Variants in SLC45A4 observed in about 807,000 individuals in gnomAD.
SLC45A4 encodes solute carrier family 45 member 4.
In SLC45A4, 32 loss-of-function variants were observed where a neutral mutation model predicts 63.7. The observed-to-expected ratio is 0.50, with a 90% CI of 0.38 to 0.67. The LOEUF (loss-of-function observed/expected upper bound fraction) is 0.67. Among genes scored for constraint, SLC45A4 ranks in the 30% least tolerant of loss-of-function variants. The probability of loss-of-function intolerance (pLI) is 0.00; values close to 1 mark genes in which losing one functional copy is unlikely to be tolerated. For missense variants in SLC45A4, 1,027 were observed against 1,157.7 expected (o/e 0.89, Z 1.64); for synonymous variants, 535 against 510.0 (o/e 1.05, Z -0.66).
intron 2 of SLC45A4, among the ~76,000 whole-genome samples, chr8:141,252,969 G>T (rs923094301): frequency 7.3e-6 from 1 of 136,574 alleles, no homozygotes; most frequent in African/African-American, 2.8e-5. Context: ...ACCTGTGCGT[G>T]TCCGCGAATT....
chr8:141,261,275 G>A (rs919400563), intron 1 of SLC45A4, among the ~76,000 whole-genome samples: 82 of 152,238 alleles, frequency 5.4e-4, no homozygotes, highest in Non-Finnish European at 9.4e-4. Context: ...CATACTGAAT[G>A]GGCAAAAACT....
At chr8:141,269,284 G>T (rs6992278) in intron 1 of SLC45A4, among the ~76,000 whole-genome samples, 1 of 152,082 alleles carries the variant, frequency 6.6e-6, no homozygotes, top group Non-Finnish European at 1.5e-5. Flanking sequence ...TCTGATAACC[G>T]TCTTTGTGCA....
chr8:141,234,801 C>T (rs1324714853), intron 2 of SLC45A4, among the ~76,000 whole-genome samples: 1 of 152,238 alleles, frequency 6.6e-6, no homozygotes, highest in African/African-American at 2.4e-5. Flanking sequence ...AGCTCACCTC[C>T]ACGTTCCGCT....
chr8:141,234,957 G>A (rs1335127958), intron 2 of SLC45A4, among the ~76,000 whole-genome samples: 1 of 152,210 alleles, frequency 6.6e-6, no homozygotes, highest in Non-Finnish European at 1.5e-5. Flanking sequence ...TCCCCGCGCT[G>A]GTCTGCCTTC....
rs531527815 is a variant in SLC45A4 at position 141,289,424 on chromosome 8, A to T, written c.-401+18672T>A. On this transcript the variant is annotated intron_variant, in intron 1 of 8. Coordinates refer to ENST00000517878, the MANE Select transcript of SLC45A4 (RefSeq NM_001286646.2). ...GGAGTGAAGTCTAAGAGTCACAAAG[A>T]TGTTATCTCAACCGTGGCTCAGCAT... Among the ~76,000 whole-genome samples the T allele has an allele frequency of 5.3e-4, 81 of 152,342 alleles. No individual in the cohort carries two copies. In the South Asian group the frequency reaches 0.016, roughly 31 times the overall value.
chr8:141,231,288 G>A (rs539316877), intron 2 of SLC45A4, among the ~76,000 whole-genome samples: 1 of 152,338 alleles, frequency 6.6e-6, no homozygotes, highest in African/African-American at 2.4e-5. Flanking sequence ...TCGCGCCAGA[G>A]GCAGCAGGGA....
intron 1 of SLC45A4, among the ~76,000 whole-genome samples, chr8:141,300,102 G>A (rs911390938): frequency 3.9e-5 from 6 of 152,166 alleles, no homozygotes; most frequent in African/African-American, 1.4e-4. Context: ...CTGCATGGCC[G>A]AATTGGAAGT....
intron 2 of SLC45A4, among the ~76,000 whole-genome samples, chr8:141,238,255 G>A (rs1827727707): frequency 6.6e-6 from 1 of 152,226 alleles, no homozygotes; most frequent in Non-Finnish European, 1.5e-5. Flanking sequence ...CCAGTCAGCA[G>A]GGAATCCAAT....
chr8:141,212,577 G>A, intron 7 of SLC45A4, 21 bp from the exon 8 acceptor site: 1 of 1,573,200 alleles, frequency 6.4e-7, no homozygotes, highest in Non-Finnish European at 8.6e-7. Context: ...GGAAACACGA[G>A]GCGGTGAGCG....
chr8:141,235,291 G>A (rs180815668), intron 2 of SLC45A4, among the ~76,000 whole-genome samples: 2 of 152,256 alleles, frequency 1.3e-5, no homozygotes, highest in Admixed American at 6.5e-5. Context: ...ACACACAGGC[G>A]GCCCCATTTA....
At chr8:141,266,190 C>T (rs151201857) in intron 1 of SLC45A4, among the ~76,000 whole-genome samples, 15 of 152,206 alleles carry the variant, frequency 9.9e-5, no homozygotes, top group South Asian at 4.1e-4. Context: ...GGACAACACG[C>T]GTCCGCACGG....
chr8:141,255,785 G>A (rs562303863), intron 1 of SLC45A4, among the ~76,000 whole-genome samples: 3 of 152,248 alleles, frequency 2.0e-5, no homozygotes, highest in South Asian at 4.2e-4. Context: ...TAGGAGGCTG[G>A]GTGGAATGAG....
At chr8:141,242,281 G>A (rs1827954355) in intron 2 of SLC45A4, among the ~76,000 whole-genome samples, 1 of 152,212 alleles carries the variant, frequency 6.6e-6, no homozygotes, top group African/African-American at 2.4e-5. Flanking sequence ...TCCAGCTCAT[G>A]TGACAGATAG....
chr8:141,237,347 T>A (rs1169922435), intron 2 of SLC45A4, among the ~76,000 whole-genome samples: 1 of 151,954 alleles, frequency 6.6e-6, no homozygotes, highest in Non-Finnish European at 1.5e-5. Context: ...AGTCACCACT[T>A]CCATAACATG....
intron 1 of SLC45A4, among the ~76,000 whole-genome samples, chr8:141,284,804 C>T (rs913159312): frequency 2.0e-5 from 3 of 152,072 alleles, no homozygotes; most frequent in Non-Finnish European, 2.9e-5. Flanking sequence ...CTTGCCCCTC[C>T]GCACCCCAGG....
At chr8:141,273,649 G>C (rs1309227011) in intron 1 of SLC45A4, among the ~76,000 whole-genome samples, 5 of 152,104 alleles carry the variant, frequency 3.3e-5, no homozygotes, top group African/African-American at 1.2e-4. Context: ...GGGCACAATT[G>C]AGGAATACCA....
rs1298606637 is a variant in SLC45A4, at chr8:141,218,777, T to C, written c.863A>G (p.Gln288Arg). Reference sequence around the variant, plus strand: ...GTCCAGGGCCAGCTCGTGCTCCGACTGTACCTCGTCTGGGAAGGCAGGGAC... The same window carrying C: ...GTCCAGGGCCAGCTCGTGCTCCGACCGTACCTCGTCTGGGAAGGCAGGGAC... ...HGVPAFPDEV[Q>R]SEHELALDYP... Residue 288 changes from glutamine (Q) to arginine (R), a missense_variant, in exon 5 of 9, where the codon CAG becomes CGG. Transcript: ENST00000517878. The C allele has an allele frequency of 2.5e-6, 4 of 1,613,066 alleles. No individual in the cohort carries two copies. The highest frequency in any genetic ancestry group is 3.4e-6 in the Non-Finnish European group (4 of 1,179,742).
chr8:141,254,426 G>T lies in SLC45A4; in HGVS notation c.-197C>A. ...ACGGTATGAGACATGCAGCAACACAGAACGATTTTTGGTTGGATTTTAAAC... is the reference window on the plus strand; with the variant it reads ...ACGGTATGAGACATGCAGCAACACATAACGATTTTTGGTTGGATTTTAAAC... On this transcript the variant is annotated 5_prime_UTR_variant, in exon 2 of 9. In the 5' UTR this introduces an upstream ATG that the reference lacks. Transcript: ENST00000517878. The surrounding 1 kb of genome is among the most constrained non-coding windows in gnomAD (Gnocchi z 4.5). 2 of 680,006 alleles carry T rather than the reference G, an allele frequency of 2.9e-6. No homozygotes were observed. Among genetic ancestry groups the T allele is most frequent in the South Asian group, 3.6e-5 (2 of 56,228 alleles). The allele number at this position is 680,006 out of a possible 1,614,324, so 42.1% of individuals were successfully genotyped here.
intron 1 of SLC45A4, among the ~76,000 whole-genome samples, chr8:141,260,266 T>A (rs1465724933): frequency 6.6e-6 from 1 of 152,246 alleles, no homozygotes; most frequent in Non-Finnish European, 1.5e-5. Flanking sequence ...CATGAACTTA[T>A]CCAAGGAATG....
Sources: gnomAD v4.1 joint callset for allele counts (sites outside exome capture counted in the v4.1 genomes callset) on GRCh38, gnomAD v4.1.1 for gene constraint, Gnocchi (gnomAD v3.1) non-coding constraint, MANE v1.5 for transcripts, NCBI Gene and HGNC (gene_info 2026-07-23, HGNC 2026-07-21) for gene names.